Variants in PLEKHN1 observed in about 807,000 individuals in gnomAD.
PLEKHN1 encodes the protein pleckstrin homology domain-containing family N member 1.
Under a neutral mutation model 72.8 loss-of-function variants are expected in PLEKHN1, and 68 were observed. That is an observed-to-expected ratio of 0.93 (90% CI 0.77 to 1.14). The LOEUF is 1.14. Among genes scored for constraint, PLEKHN1 ranks in the 50% most tolerant of loss-of-function variants. The pLI is 0.00. For synonymous variants in PLEKHN1, 454 were observed against 371.6 expected, an observed-to-expected ratio of 1.22 and a Z score of -2.55; for missense variants, 1,015 against 840.5, an observed-to-expected ratio of 1.21 and a Z score of -2.57.
chr1:972,768 A>C (rs982431001), intron 10 of PLEKHN1, 93 bp from the exon 11 acceptor site: 2 of 1,415,362 alleles, frequency 1.4e-6, no homozygotes, highest in Non-Finnish European at 1.9e-6. Flanking sequence ...TTCGTCCCAA[A>C]AAGATAAAAG....
Position 973,826 on chromosome 1 carries a change from C to A in PLEKHN1, c.1435-7C>A. On this transcript the variant is annotated splice_polypyrimidine_tract_variant and splice_region_variant and intron_variant, in intron 13 of 15. Transcript: ENST00000379410. ...CACCCAGGCCCCAGCCCTGGCTCTC[C>A]CTGCAGTTCCTCAGTGCCATGCAGA... The A allele has an allele frequency of 6.2e-7, 1 of 1,607,408 alleles. No homozygotes were observed. Among genetic ancestry groups the A allele is most frequent in the African/African-American group, 1.3e-5 (1 of 74,922 alleles).
At chr1:967,159 A>C (rs998013736) in intron 2 of PLEKHN1, among the ~76,000 whole-genome samples, 3 of 152,056 alleles carry the variant, frequency 2.0e-5, no homozygotes, top group Non-Finnish European at 4.4e-5. Flanking sequence ...AAGGGGCCTC[A>C]GATGAGCAGC....
rs372703059 is a variant in PLEKHN1 at position 970,157 on chromosome 1, A to G, written c.184-120A>G. 2.7e-5 allele frequency: 29 copies of G among 1,076,414 alleles called. No homozygotes were observed. The highest frequency in any genetic ancestry group is 5.3e-5 in the Admixed American group (2 of 38,036). The allele number at this position is 1,076,414 out of a possible 1,614,324, so 66.7% of individuals were successfully genotyped here. ...GTGCCTGTGGGGGGCTGTTCTTCAC[A>G]TATGTGTTGTGTGGCTATGCACAGG... On this transcript the variant is annotated intron_variant, in intron 2 of 15. Coordinates refer to ENST00000379410, the MANE Select transcript of PLEKHN1 (RefSeq NM_032129.3). The surrounding 1 kb of genome is among the most constrained non-coding windows in gnomAD (Gnocchi z 4.2).
Position 975,198 on chromosome 1 carries a change from G to C in PLEKHN1, c.*623G>C, listed in dbSNP as rs886689066. On this transcript the variant is annotated 3_prime_UTR_variant, in exon 16 of 16. Transcript: ENST00000379410. The stretch of plus-strand genomic sequence containing the variant: ...GAGAGAGAATAAGAAAAGGAAGAAA[G>C]AAAAAGAAAAGATAGAATTTTATTG... 1 of 152,504 alleles carries C rather than the reference G, an allele frequency of 6.6e-6. No individual in the cohort carries two copies. The allele number at this position is 152,504 out of a possible 1,614,324, so 9.4% of individuals were successfully genotyped here. A position where few individuals can be genotyped will look rare whatever the true frequency, so the allele number is the denominator to read the frequency against.
At chr1:974,136 G>A (rs1643493988) in intron 14 of PLEKHN1, 85 bp downstream of exon 14, 1 of 1,489,428 alleles carries the variant, frequency 6.7e-7, no homozygotes, top group Non-Finnish European at 9.1e-7. Flanking sequence ...CTCTGAGGGA[G>A]CAGGGAGGGA....
At position 974,651 on chromosome 1, in the gene PLEKHN1, T is replaced by G; in HGVS notation, c.*76T>G. 1 of 1,504,380 alleles carries G rather than the reference T, an allele frequency of 6.6e-7. No homozygotes were observed. Among genetic ancestry groups the G allele is most frequent in the Non-Finnish European group, 8.9e-7 (1 of 1,122,318 alleles). 93.2% of individuals were successfully genotyped at this position (1,504,380 alleles called of 1,614,324 possible). On this transcript the variant is annotated 3_prime_UTR_variant, in exon 16 of 16. Coordinates refer to ENST00000379410, the MANE Select transcript of PLEKHN1 (RefSeq NM_032129.3). ...ACCTGCCCCTCTAACCCACTTCAAA[T>G]TACAAGTCAGGGTCTGAACCCAGTG...
chr1:970,664 C>T lies in PLEKHN1; in HGVS notation c.412-22C>T. On this transcript the variant is annotated intron_variant, in intron 4 of 15. Transcript: ENST00000379410. This position sits in a 1 kb window ranked among gnomAD's most constrained non-coding sequence, Gnocchi z 4.2. ...CTTCCCTCCATGGATCCCTGAAGCT[C>T]CTCCTACCCTGTGCCTGGCAGGGGC... 6.3e-7 allele frequency: 1 copy of T among 1,598,466 alleles called. No homozygotes were observed. The highest frequency in any genetic ancestry group is 8.5e-7 in the Non-Finnish European group (1 of 1,171,018).
At chr1:969,684 A>G (rs117621452) in intron 2 of PLEKHN1, among the ~76,000 whole-genome samples, 1 of 151,452 alleles carries the variant, frequency 6.6e-6, no homozygotes, top group Non-Finnish European at 1.5e-5. Context: ...GTGTGTGTAC[A>G]TGTGTGTATA....
At position 974,546 on chromosome 1, in the gene PLEKHN1, G is replaced by A. The variant is rs943466659; in HGVS notation, c.1807G>A (p.Ala603Thr). 1 of 1,612,178 alleles carries A rather than the reference G, an allele frequency of 6.2e-7. No individual in the cohort carries two copies. The highest frequency in any genetic ancestry group is 8.5e-7 in the Non-Finnish European group (1 of 1,179,810). The change falls in exon 16 of 16, where the codon GCC becomes ACC. Residue 603 changes from alanine to threonine, a missense_variant. Physicochemically the swap from Ala to Thr is moderately conservative, Grantham distance 58. Transcript: ENST00000379410. ...GTGCCCCCAGCTTGGAGGGCCTGAGGCCAGTGGGGGGCTTGTGCAGTGGAT... is the reference window on the plus strand; with the variant it reads ...GTGCCCCCAGCTTGGAGGGCCTGAGACCAGTGGGGGGCTTGTGCAGTGGAT... ...QKCPQLGGPE[A>T]SGGLVQWI is the part of the protein sequence containing the mutation.
rs112289120 is a variant in PLEKHN1, at chr1:970,102, G to A, written c.184-175G>A. Among the ~76,000 whole-genome samples the A allele has an allele frequency of 6.8e-6, 1 of 148,018 alleles. No homozygotes were observed. The highest frequency in any genetic ancestry group is 2.5e-5 in the African/African-American group (1 of 39,884). ...GTGCCTGTGGGGGGCTGTTCTTCACGTATGTGTTGTGTGGCTGTGCACAGG... is the reference window on the plus strand; with the variant it reads ...GTGCCTGTGGGGGGCTGTTCTTCACATATGTGTTGTGTGGCTGTGCACAGG... On this transcript the variant is annotated intron_variant, in intron 2 of 15. Transcript: ENST00000379410. The surrounding 1 kb of genome is among the most constrained non-coding windows in gnomAD (Gnocchi z 4.2).
chr1:974,121 TG>T, intron 14 of PLEKHN1, 70 bp downstream of exon 14: 1 of 1,500,868 alleles, frequency 6.7e-7, no homozygotes, highest in Non-Finnish European at 9.0e-7. Context: ...TGGGGCCTCT[TG>T]GGACTCTGAG....
chr1:973,678 G>A (rs1403624424), intron 13 of PLEKHN1, 38 bp downstream of exon 13: 2 of 1,605,138 alleles, frequency 1.2e-6, no homozygotes, highest in Non-Finnish European at 1.7e-6. Context: ...GGTGGGAGGT[G>A]CCTGCAGCCT....
Position 974,465 on chromosome 1 carries a change from C to A in PLEKHN1, c.1726C>A (p.Arg576=). 6.2e-7 allele frequency: 1 copy of A among 1,612,760 alleles called. No individual in the cohort carries two copies. Residue 576 remains arginine (R), a synonymous_variant, in exon 16 of 16, where the codon CGG becomes AGG. Coordinates refer to ENST00000379410, the MANE Select transcript of PLEKHN1 (RefSeq NM_032129.3). ...LTDGRSPRRS[R]DPGYDHLWDE... is the part of the protein sequence containing the mutation. ...AGATGGTCGGTCCCCCAGGAGGAGC[C>A]GGGACCCCGGCTACGACCACCTCTG...
chr1:971,893 C>T (rs546555383), intron 8 of PLEKHN1, among the ~76,000 whole-genome samples, 182 bp from the exon 9 acceptor site: 76 of 152,346 alleles, frequency 5.0e-4, no homozygotes, highest in African/African-American at 1.7e-3. Context: ...AAGGCCCCCG[C>T]GCCAGGGTTG....
chr1:970,304 G>A lies in PLEKHN1; in HGVS notation c.211G>A (p.Glu71Lys). 6.2e-7 allele frequency: 1 copy of A among 1,613,348 alleles called. No homozygotes were observed. The highest frequency in any genetic ancestry group is 8.5e-7 in the Non-Finnish European group (1 of 1,179,932). Reference protein sequence around the residue: ...TDILDLENQRENLEQPFLSVF... With the variant: ...TDILDLENQRKNLEQPFLSVF... ...CATCCTGGACCTGGAGAACCAGCGA[G>A]AAAACCTGGAGCAGCCATTCCTGAG... The change falls in exon 3 of 16, where the codon GAA (glutamate) becomes AAA (lysine). Residue 71 changes from glutamate (E) to lysine (K), a missense_variant. Transcript: ENST00000379410. The surrounding 1 kb of genome is among the most constrained non-coding windows in gnomAD (Gnocchi z 4.2).
rs532211720 is a variant in PLEKHN1, at chr1:971,932, C to A, written c.790-143C>A. 5.1e-5 allele frequency: 39 copies of A among 762,300 alleles called. 1 individual carries two copies. In the South Asian group the frequency reaches 6.6e-4, roughly 13 times the overall value. 47.2% of individuals were successfully genotyped at this position (762,300 alleles called of 1,614,324 possible). On this transcript the variant is annotated intron_variant, in intron 8 of 15. Coordinates refer to ENST00000379410, the MANE Select transcript of PLEKHN1 (RefSeq NM_032129.3). ...GTAGCCCCAGGAGACATGGGACCCA[C>A]TGGCCTCCCTCAGGGTGGTGGCCTC...
Position 970,292 on chromosome 1 carries a change from G to A in PLEKHN1, c.199G>A (p.Glu67Lys). 14 of 1,613,160 alleles carry A rather than the reference G, an allele frequency of 8.7e-6. No individual in the cohort carries two copies. Among genetic ancestry groups the A allele is most frequent in the Non-Finnish European group, 1.1e-5 (13 of 1,179,920 alleles). Residue 67 changes from glutamate to lysine, a missense_variant, in exon 3 of 16, where the codon GAG (glutamate) becomes AAG (lysine). Transcript: ENST00000379410. The surrounding 1 kb of genome is among the most constrained non-coding windows in gnomAD (Gnocchi z 4.2). ...CTCCTCCTAGGACATCCTGGACCTG[G>A]AGAACCAGCGAGAAAACCTGGAGCA... The part of the protein sequence containing the change: ...YIPGTDILDL[E>K]NQRENLEQPF...
rs143709666 is a variant in PLEKHN1, at chr1:974,508, C to T, written c.1769C>T (p.Ser590Phe). 1.4e-5 allele frequency: 22 copies of T among 1,612,676 alleles called. No individual in the cohort carries two copies. The African/African-American group carries it at 2.4e-4, about 18-fold the overall frequency. The part of the protein sequence containing the change: ...YDHLWDETLS[S>F]SHQKCPQLGG... Reference sequence around the variant, plus strand: ...CACCTCTGGGACGAGACTTTGTCTTCCTCCCACCAGAAGTGCCCCCAGCTT... The same window carrying T: ...CACCTCTGGGACGAGACTTTGTCTTTCTCCCACCAGAAGTGCCCCCAGCTT... Residue 590 changes from serine to phenylalanine, a missense_variant, in exon 16 of 16, where the codon TCC becomes TTC. Transcript: ENST00000379410.
At position 970,514 on chromosome 1, in the gene PLEKHN1, C is replaced by A; in HGVS notation, c.331-7C>A. 1.2e-6 allele frequency: 2 copies of A among 1,612,736 alleles called. No homozygotes were observed. The highest frequency in any genetic ancestry group is 8.5e-7 in the Non-Finnish European group (1 of 1,179,588). On this transcript the variant is annotated splice_polypyrimidine_tract_variant and splice_region_variant and intron_variant, in intron 3 of 15. Coordinates refer to ENST00000379410, the MANE Select transcript of PLEKHN1 (RefSeq NM_032129.3). This position sits in a 1 kb window ranked among gnomAD's most constrained non-coding sequence, Gnocchi z 4.2. Reference sequence around the variant, plus strand: ...ACTCCGCACTGACGACCCTGCTCCCCGCGCAGGATGTCAGCGACTGCTACC... The same window carrying A: ...ACTCCGCACTGACGACCCTGCTCCCAGCGCAGGATGTCAGCGACTGCTACC...
Sources: allele counts gnomAD v4.1 joint callset (sites outside exome capture counted in the v4.1 genomes callset), GRCh38; gene constraint gnomAD v4.1.1; non-coding constraint Gnocchi (gnomAD v3.1); transcripts MANE v1.5; gene names NCBI Gene and HGNC (gene_info 2026-07-23, HGNC 2026-07-21).